The following RRP1 variants were observed in gnomAD, a reference collection of about 807,000 sequenced individuals.
RRP1 encodes ribosomal RNA processing protein 1 homolog A.
Under a neutral mutation model 54.6 loss-of-function variants are expected in RRP1, and 37 were observed. That is an observed-to-expected ratio of 0.68 (90% confidence interval 0.52 to 0.89). The LOEUF (loss-of-function observed/expected upper bound fraction) is 0.89, where lower values mean the gene tolerates loss of function less well. Ranked by LOEUF, RRP1 falls within the 40% of genes least tolerant of loss-of-function variation. RRP1 has a pLI of 0.00. For missense variants in RRP1, 639 were observed against 612.5 expected (o/e 1.04, Z -0.46); for synonymous variants, 262 against 244.3 (o/e 1.07, Z -0.67).
chr21:43,802,714 C>T (rs977516156), intron 12 of RRP1, among the ~76,000 whole-genome samples: 5 of 152,216 alleles, frequency 3.3e-5, no homozygotes, highest in Admixed American at 1.3e-4. Context: ...GCTCCTCTCC[C>T]GCACCCTCCA....
chr21:43,797,967 G>A lies in RRP1; in HGVS notation c.678G>A (p.Pro226=), dbSNP rs771504012. 3.7e-6 allele frequency: 6 copies of A among 1,614,022 alleles called. No homozygotes were observed. The highest frequency in any genetic ancestry group is 5.1e-6 in the Non-Finnish European group (6 of 1,180,014). Residue 226 remains proline (P), a synonymous_variant, in exon 8 of 13, where the codon CCG becomes CCA. Transcript: ENST00000497547. ...TTGAGACGATTGTGGAGCAGGCCCC[G>A]CTTGCCATTGAAGACCTCCTGAATG... ...GIFETIVEQA[P]LAIEDLLNEL... is the part of the protein sequence containing the mutation.
chr21:43,800,736 G>A, intron 10 of RRP1, 122 bp downstream of exon 10: 1 of 1,476,632 alleles, frequency 6.8e-7, no homozygotes, highest in Non-Finnish European at 9.1e-7. Flanking sequence ...TCCCCGCTAG[G>A]ACCCTGAGAC....
chr21:43,803,020 C>T (rs969333183), intron 12 of RRP1, among the ~76,000 whole-genome samples: 2 of 152,224 alleles, frequency 1.3e-5, no homozygotes, highest in Admixed American at 6.5e-5. Flanking sequence ...ACTGGGAAGC[C>T]TTCCCTGTTA....
chr21:43,802,360 C>T lies in RRP1; in HGVS notation c.1096C>T (p.Arg366Cys), dbSNP rs771516121. Residue 366 changes from arginine (R) to cysteine (C), a missense_variant, in exon 12 of 13, where the codon CGT (arginine) becomes TGT (cysteine). Arg to Cys is a radical substitution (Grantham distance 180). Coordinates refer to ENST00000497547, the MANE Select transcript of RRP1 (RefSeq NM_003683.6). ...RRQKKTKKQK[R>C]LLRLQQERGK... ...GCAGAAGAAGACGAAGAAGCAGAAG[C>T]GTCTGCTCAGGTTGCAGCAGGAGAG... 6.2e-6 allele frequency: 10 copies of T among 1,613,860 alleles called. No homozygotes were observed. The highest frequency in any genetic ancestry group is 2.2e-5 in the South Asian group (2 of 91,080).
At chr21:43,795,300 CA>C (rs1166166126) in intron 5 of RRP1, 50 bp downstream of exon 5, 11 of 1,562,592 alleles carry the variant, frequency 7.0e-6, no homozygotes, top group African/African-American at 1.4e-5. Context: ...TCGGGGACCG[CA>C]GTCGTGTTTG....
At chr21:43,795,068 G>A (rs925826443) in intron 4 of RRP1, 121 bp from the exon 5 acceptor site, 3 of 912,710 alleles carry the variant, frequency 3.3e-6, no homozygotes, top group African/African-American at 3.3e-5. Flanking sequence ...TGTGTGCTGG[G>A]GCCGGCAGAG....
chr21:43,792,478 G>A (rs1218860220), intron 2 of RRP1, among the ~76,000 whole-genome samples, 194 bp from the exon 3 acceptor site: 1 of 152,204 alleles, frequency 6.6e-6, no homozygotes, highest in Non-Finnish European at 1.5e-5. Context: ...TTGTGTGAGA[G>A]CCTGTTGACC....
rs751047987 is a variant in RRP1 at position 43,793,385 on chromosome 21, G to A, written c.341G>A (p.Arg114His). 43 of 1,613,544 alleles carry A rather than the reference G, an allele frequency of 2.7e-5. No individual in the cohort carries two copies. Among genetic ancestry groups the A allele is most frequent in the South Asian group, 4.4e-5 (4 of 91,090 alleles). ...NREWTGIDRL[R>H]LDKFYMLMRM... ...GAGTGGACGGGCATTGACAGGCTGC[G>A]CCTGGATAAATTCTACATGGTGAGG... The change falls in exon 4 of 13, where the codon CGC becomes CAC. Residue 114 changes from arginine to histidine, a missense_variant. By Grantham distance (29) the Arg-to-His change is conservative. Coordinates refer to ENST00000497547, the MANE Select transcript of RRP1 (RefSeq NM_003683.6).
At chr21:43,798,506 C>T (rs975069186) in intron 8 of RRP1, among the ~76,000 whole-genome samples, 1 of 152,192 alleles carries the variant, frequency 6.6e-6, no homozygotes, top group African/African-American at 2.4e-5. Flanking sequence ...CATAGCGTCA[C>T]TCTGTGGCAC....
In RRP1 at chr21:43,804,234, A is replaced by G. The variant is rs962517689; in HGVS notation, c.*460A>G. ...CATTTCTCCTTTCACAGAACTGCCC[A>G]GGTGTTAACAGGGCTGTCTGGACGG... On this transcript the variant is annotated 3_prime_UTR_variant, in exon 13 of 13. Coordinates refer to ENST00000497547, the MANE Select transcript of RRP1 (RefSeq NM_003683.6). The surrounding 1 kb of genome is among the most constrained non-coding windows in gnomAD (Gnocchi z 4.3). 6.4e-6 allele frequency: 1 copy of G among 156,066 alleles called. No homozygotes were observed. The highest frequency in any genetic ancestry group is 2.4e-5 in the African/African-American group (1 of 41,562). The allele number at this position is 156,066 out of a possible 1,614,324, so 9.7% of individuals were successfully genotyped here.
chr21:43,802,250 C>T (rs756247613), intron 11 of RRP1, 24 bp from the exon 12 acceptor site: 3 of 1,584,572 alleles, frequency 1.9e-6, no homozygotes, highest in Non-Finnish European at 2.6e-6. Flanking sequence ...CCGAGAGCCC[C>T]CTGACTTCTG....
intron 11 of RRP1, 101 bp from the exon 12 acceptor site, chr21:43,802,173 T>G: frequency 1.3e-6 from 1 of 789,166 alleles, no homozygotes; most frequent in South Asian, 1.5e-5. Context: ...TCACACACAT[T>G]GTCAGGAGGT....
Position 43,795,109 on chromosome 21 carries a change from G to T in RRP1, c.361-80G>T. 2.3e-6 allele frequency: 3 copies of T among 1,315,952 alleles called. 1 individual carries two copies. In the South Asian group the frequency reaches 3.6e-5, roughly 16 times the overall value. 81.5% of individuals were successfully genotyped at this position (1,315,952 alleles called of 1,614,324 possible). A position where few individuals can be genotyped will look rare whatever the true frequency, so the allele number is the denominator to read the frequency against. ...CACGGCCATGACTTTATCCTGCAGC[G>T]GATGGTGGTACATGGGGATGGGTGG... On this transcript the variant is annotated intron_variant, in intron 4 of 12. Transcript: ENST00000497547.
chr21:43,790,234 C>A (rs753063854), intron 1 of RRP1, among the ~76,000 whole-genome samples: 44 of 152,224 alleles, frequency 2.9e-4, no homozygotes, highest in Admixed American at 7.9e-4. Context: ...GCGTGGTCCC[C>A]CATCAGCAGT....
At chr21:43,803,055 A>G (rs2085109783) in intron 12 of RRP1, among the ~76,000 whole-genome samples, 3 of 152,224 alleles carry the variant, frequency 2.0e-5, no homozygotes, top group Admixed American at 1.3e-4. Flanking sequence ...AACTGGCCCC[A>G]GGGCCTAGGG....
chr21:43,791,071 A>G (rs1240396708), intron 1 of RRP1: 2 of 550,032 alleles, frequency 3.6e-6, no homozygotes, highest in Admixed American at 2.2e-5. Flanking sequence ...GCAATTTTGA[A>G]TTTCCAAAAT....
At chr21:43,798,580 G>A (rs2085048659) in intron 8 of RRP1, among the ~76,000 whole-genome samples, 1 of 152,228 alleles carries the variant, frequency 6.6e-6, no homozygotes, top group East Asian at 1.9e-4. Flanking sequence ...AGGACAGCAA[G>A]CTCTGTCCAT....
intron 4 of RRP1, among the ~76,000 whole-genome samples, chr21:43,794,219 C>G (rs1020546845): frequency 6.6e-6 from 1 of 152,180 alleles, no homozygotes; most frequent in Non-Finnish European, 1.5e-5. Flanking sequence ...AGGCCTGGAG[C>G]TCAAGAAGGA....
In RRP1 at chr21:43,795,263, C is replaced by T. The variant is rs145153500; in HGVS notation, c.422+13C>T. 7.6e-5 allele frequency: 122 copies of T among 1,613,298 alleles called. No individual in the cohort carries two copies. Among genetic ancestry groups the T allele is most frequent in the East Asian group, 3.1e-4 (14 of 44,864 alleles). On this transcript the variant is annotated intron_variant, in intron 5 of 12. Transcript: ENST00000497547. ...GCTGGGAAGAAAGGTGGGTGCGCGG[C>T]GGGCCTGCTCTGGGGGGACGCTGTT...
Sources: allele counts gnomAD v4.1 joint callset (sites outside exome capture counted in the v4.1 genomes callset), GRCh38; gene constraint gnomAD v4.1.1; non-coding constraint Gnocchi (gnomAD v3.1); transcripts MANE v1.5; gene names NCBI Gene and HGNC (gene_info 2026-07-23, HGNC 2026-07-21).